CTCF: variants seen among roughly 807,000 people sequenced by gnomAD.
The protein encoded by CTCF is CCCTC-binding factor.
A neutral mutation model predicts 72.3 loss-of-function variants in CTCF; 7 were observed. That is an observed-to-expected ratio of 0.10 (90% CI 0.06 to 0.18). The LOEUF is 0.18. Among genes scored for constraint, CTCF ranks in the 10% least tolerant of loss-of-function variants. CTCF has a pLI of 1.00. For synonymous variants in CTCF, 374 were observed against 315.8 expected, an observed-to-expected ratio of 1.18 and a Z score of -1.95; for missense variants, 516 against 949.1, an observed-to-expected ratio of 0.54 and a Z score of 6.00.
chr16:67,608,196 C>T (rs563494196), intron 2 of CTCF, among the ~76,000 whole-genome samples: 21 of 151,560 alleles, frequency 1.4e-4, no homozygotes, highest in East Asian at 7.7e-4. Flanking sequence ...TGGTGGTGGG[C>T]GCCTGTAGTC....
At chr16:67,635,787 C>G (rs1210726475) in intron 10 of CTCF, among the ~76,000 whole-genome samples, 1 of 152,136 alleles carries the variant, frequency 6.6e-6, no homozygotes, top group Admixed American at 6.5e-5. Flanking sequence ...CCACGCCCAG[C>G]TGCCAGTTTC....
intron 2 of CTCF, among the ~76,000 whole-genome samples, chr16:67,604,730 G>GTTTTTTTTTTTTTTTTTTT (rs533827293): frequency 1.2e-4 from 15 of 123,736 alleles, no homozygotes; most frequent in Non-Finnish European, 1.7e-4. Flanking sequence ...TTTCACCAGG[G>GTTTTTTTTTTTTTTTTTTT]TTTTTTTTTT....
intron 6 of CTCF, 63 bp from the exon 7 acceptor site, chr16:67,621,379 C>T (rs2052196663): frequency 7.9e-7 from 1 of 1,264,416 alleles, no homozygotes; most frequent in Non-Finnish European, 1.1e-6. Flanking sequence ...CTGAGTTACC[C>T]TCCAGTTAAA....
chr16:67,580,713 C>T (rs2051567137), intron 2 of CTCF, among the ~76,000 whole-genome samples: 1 of 150,992 alleles, frequency 6.6e-6, no homozygotes, highest in African/African-American at 2.4e-5. Context: ...AGGCGTGCAC[C>T]ACCACACTCG....
At chr16:67,622,227 GCGCCTGTAGTC>G (rs2052209851) in intron 7 of CTCF, among the ~76,000 whole-genome samples, 1 of 151,794 alleles carries the variant, frequency 6.6e-6, no homozygotes, top group Non-Finnish European at 1.5e-5. Flanking sequence ...ATGGTGGTGG[GCGCCTGTAGTC>G]CCAGCTACTC....
intron 11 of CTCF, 61 bp downstream of exon 11, chr16:67,636,912 A>T: frequency 7.3e-7 from 1 of 1,376,598 alleles, no homozygotes; most frequent in East Asian, 2.7e-5. Context: ...GGGGAGCCAG[A>T]TGGGTCCTTG....
chr16:67,566,886 TTTG>T (rs2051349932), intron 1 of CTCF, among the ~76,000 whole-genome samples: 1 of 151,760 alleles, frequency 6.6e-6, no homozygotes, highest in Non-Finnish European at 1.5e-5. Context: ...GGTTTGTTTG[TTTG>T]TTTTAAGACA....
chr16:67,587,646 T>C (rs1316907509), intron 2 of CTCF, among the ~76,000 whole-genome samples: 3 of 151,888 alleles, frequency 2.0e-5, no homozygotes, highest in Non-Finnish European at 4.4e-5. Context: ...TTACTCTGCT[T>C]GGCACAGTGG....
At chr16:67,586,049 A>G (rs1200380143) in intron 2 of CTCF, among the ~76,000 whole-genome samples, 2 of 152,110 alleles carry the variant, frequency 1.3e-5, no homozygotes, top group African/African-American at 4.8e-5. Flanking sequence ...GTTTGTTTCA[A>G]TATTTCTAAG....
chr16:67,580,514 A>G (rs1166316020), intron 2 of CTCF, among the ~76,000 whole-genome samples: 1 of 150,756 alleles, frequency 6.6e-6, no homozygotes, highest in Non-Finnish European at 1.5e-5. Context: ...TTAGTTTTTT[A>G]ATTATTTATG....
intron 2 of CTCF, among the ~76,000 whole-genome samples, chr16:67,598,534 A>G (rs1339324092): frequency 6.6e-6 from 1 of 152,240 alleles, no homozygotes; most frequent in African/African-American, 2.4e-5. Flanking sequence ...TTTGAGAGGC[A>G]ACAAATTAAT....
chr16:67,567,734 G>T (rs2051361345), intron 1 of CTCF, among the ~76,000 whole-genome samples: 1 of 151,606 alleles, frequency 6.6e-6, no homozygotes, highest in African/African-American at 2.4e-5. Flanking sequence ...GGTACTATAG[G>T]CGTGTGCCAC....
intron 2 of CTCF, among the ~76,000 whole-genome samples, chr16:67,576,600 C>G (rs1053354403): frequency 7.5e-6 from 1 of 133,446 alleles, no homozygotes; most frequent in African/African-American, 3.0e-5. Flanking sequence ...GTCACCTAGG[C>G]TGGAGTGCAG....
intron 1 of CTCF, among the ~76,000 whole-genome samples, chr16:67,565,005 C>CTTT (rs545098307): frequency 1.4e-5 from 2 of 144,716 alleles, no homozygotes; most frequent in Non-Finnish European, 1.5e-5. Context: ...TAACCCAGAC[C>CTTT]TTTTTTTTTT....
At chr16:67,620,886 C>T in intron 6 of CTCF, 69 bp downstream of exon 6, 4 of 1,319,806 alleles carry the variant, frequency 3.0e-6, no homozygotes, top group Non-Finnish European at 4.1e-6. Context: ...ACCCTGTGGA[C>T]CACTGTGTGT....
chr16:67,630,232 T>G (rs996776174), intron 10 of CTCF, among the ~76,000 whole-genome samples: 1 of 152,214 alleles, frequency 6.6e-6, no homozygotes, highest in Non-Finnish European at 1.5e-5. Flanking sequence ...GCAGTGAATC[T>G]AATGGACATG....
At chr16:67,633,438 T>G (rs2052389869) in intron 10 of CTCF, among the ~76,000 whole-genome samples, 1 of 152,170 alleles carries the variant, frequency 6.6e-6, no homozygotes, top group South Asian at 2.1e-4. Context: ...ACCACTTATT[T>G]TACCACGAAT....
At chr16:67,621,080 A>C (rs1307228647) in intron 6 of CTCF, 1 of 372,038 alleles carries the variant, frequency 2.7e-6, no homozygotes, top group Non-Finnish European at 4.8e-6. Context: ...TAAAATGGAC[A>C]GATTTTAATT....
At chr16:67,620,875 G>T in intron 6 of CTCF, 58 bp downstream of exon 6, 1 of 1,410,896 alleles carries the variant, frequency 7.1e-7, no homozygotes, top group Non-Finnish European at 9.6e-7. Context: ...AATCCCATGG[G>T]ACCCTGTGGA....
Sources: allele counts gnomAD v4.1 joint callset (sites outside exome capture counted in the v4.1 genomes callset), GRCh38; gene constraint gnomAD v4.1.1; transcripts MANE v1.5; gene names NCBI Gene and HGNC (gene_info 2026-07-23, HGNC 2026-07-21).